DMD: variants seen among roughly 807,000 people sequenced by gnomAD.
The protein encoded by DMD is mutant dystrophin.
Under a neutral mutation model 330.1 loss-of-function variants are expected in DMD, and 63 were observed. The observed-to-expected ratio is 0.19, with a 90% CI of 0.16 to 0.24. The LOEUF is 0.24. DMD is among the 10% of genes least tolerant of loss of function. DMD has a pLI of 1.00. For missense variants in DMD, 3,344 were observed against 2,684.1 expected (o/e 1.25, Z -5.43); for synonymous variants, 1,223 against 959.8 (o/e 1.27, Z -5.07).
At chrX:33,326,928 C>T (rs189291582) in intron 1 of DMD, among the ~76,000 whole-genome samples, 9 of 111,365 alleles carry the variant, frequency 8.1e-5, no homozygotes. Flanking sequence ...AGTTACATGG[C>T]TCTCTATAAA....
intron 55 of DMD, among the ~76,000 whole-genome samples, chrX:31,509,438 T>C (rs16989687): frequency 1.4e-3 from 155 of 111,890 alleles, no homozygotes; most frequent in Non-Finnish European, 2.6e-3. Context: ...TACAGTACTT[T>C]CCTTTTGTGT....
chrX:32,221,872 T>G, intron 43 of DMD, among the ~76,000 whole-genome samples: 1 of 112,292 alleles, frequency 8.9e-6, no homozygotes, highest in East Asian at 2.8e-4. Context: ...TCAAAGTTGC[T>G]GCAAAAGACA....
At chrX:33,311,031 A>C (rs924855740) in intron 1 of DMD, among the ~76,000 whole-genome samples, 7 of 110,505 alleles carry the variant, frequency 6.3e-5, no homozygotes, top group Non-Finnish European at 9.5e-5. Flanking sequence ...ATCCCAGTTC[A>C]ATGTAGAACT....
intron 51 of DMD, among the ~76,000 whole-genome samples, chrX:31,743,166 T>C (rs933650342): frequency 2.7e-5 from 3 of 111,921 alleles, no homozygotes; most frequent in Admixed American, 9.5e-5. Context: ...ACACCATTCA[T>C]ACTGGCTATT....
chrX:31,644,879 C>T (rs759940142), intron 54 of DMD, among the ~76,000 whole-genome samples: 76 of 111,823 alleles, frequency 6.8e-4, no homozygotes, highest in Non-Finnish European at 1.3e-3. Context: ...TGGGGGTTTA[C>T]TCACACACAC....
At position 31,508,235 on chromosome X, in the gene DMD, C is replaced by T. The variant is rs368616208; in HGVS notation, c.8218-782G>A. ...TTACATGGTATGTCTTCCTGTGTAA[C>T]ATTTTCAGCTTGAACCGGGCACTAC... On this transcript the variant is annotated intron_variant, in intron 55 of 78. Transcript: ENST00000357033. 1.0e-4 allele frequency: 123 copies of T among 1,205,569 alleles called. 2 individuals are homozygous for T. The Middle Eastern group carries it at 3.0e-3, about 29-fold the overall frequency.
At chrX:31,622,877 T>TATATACACACAC (rs1361969125) in intron 55 of DMD, among the ~76,000 whole-genome samples, 1 of 70,327 alleles carries the variant, frequency 1.4e-5, no homozygotes, top group African/African-American at 5.3e-5. Flanking sequence ...TATATATATA[T>TATATACACACAC]ACACACACAC....
At chrX:32,421,575 G>A (rs1192806316) in intron 29 of DMD, among the ~76,000 whole-genome samples, 1 of 111,595 alleles carries the variant, frequency 9.0e-6, no homozygotes, top group Non-Finnish European at 1.9e-5. Flanking sequence ...CATTACAATC[G>A]ATTCCTTGTT....
chrX:32,912,773 A>G (rs2087395795), intron 2 of DMD, among the ~76,000 whole-genome samples: 2 of 111,436 alleles, frequency 1.8e-5, no homozygotes, highest in African/African-American at 6.5e-5. Flanking sequence ...AAATTTCACG[A>G]CCACCGTTAT....
chrX:32,808,098 T>C (rs564473478), intron 7 of DMD, among the ~76,000 whole-genome samples: 55 of 111,785 alleles, frequency 4.9e-4, no homozygotes, highest in Middle Eastern at 9.3e-3. Flanking sequence ...GAGTCAATAG[T>C]AAAGTAATCC....
intron 48 of DMD, among the ~76,000 whole-genome samples, chrX:31,837,347 A>T (rs1393094325): frequency 1.8e-5 from 2 of 111,949 alleles, no homozygotes; most frequent in South Asian, 3.7e-4. Context: ...TTAATGAGTC[A>T]AACAGGCCTT....
At chrX:31,398,610 G>A (rs180996228) in intron 60 of DMD, among the ~76,000 whole-genome samples, 2 of 112,136 alleles carry the variant, frequency 1.8e-5, no homozygotes, top group East Asian at 5.6e-4. Context: ...ATTCAGTTAA[G>A]AGGCTAGATC....
At chrX:32,660,293 T>C (rs1372886735) in intron 9 of DMD, among the ~76,000 whole-genome samples, 1 of 110,854 alleles carries the variant, frequency 9.0e-6, no homozygotes, top group Admixed American at 9.7e-5. Flanking sequence ...CAATCACTTC[T>C]GATTTGGTGA....
intron 1 of DMD, among the ~76,000 whole-genome samples, chrX:33,026,096 G>A: frequency 9.1e-6 from 1 of 109,418 alleles, no homozygotes; most frequent in East Asian, 2.9e-4. Context: ...AGCACTTTGG[G>A]AGGCCGAGGT....
intron 17 of DMD, among the ~76,000 whole-genome samples, chrX:32,541,438 A>C (rs1225021286): frequency 8.9e-6 from 1 of 112,237 alleles, no homozygotes; most frequent in Non-Finnish European, 1.9e-5. Flanking sequence ...GCAATGTATT[A>C]AATGCTTATT....
At chrX:31,964,935 G>A (rs1486972735) in intron 45 of DMD, among the ~76,000 whole-genome samples, 2 of 111,128 alleles carry the variant, frequency 1.8e-5, no homozygotes, top group Non-Finnish European at 3.8e-5. Context: ...TATCAGACTT[G>A]TCTAAAAGAA....
intron 44 of DMD, among the ~76,000 whole-genome samples, chrX:32,018,761 A>T (rs184476934): frequency 8.9e-6 from 1 of 111,913 alleles, no homozygotes; most frequent in East Asian, 2.8e-4. Context: ...AGCAGCTATT[A>T]TCTTGGACCT....
chrX:32,830,346 G>T (rs184028345), intron 4 of DMD, among the ~76,000 whole-genome samples: 2 of 110,515 alleles, frequency 1.8e-5, no homozygotes, highest in Non-Finnish European at 3.8e-5. Flanking sequence ...AGAATTATCA[G>T]TCTAATTGCT....
At chrX:33,031,749 CAGG>C (rs1306674578) in intron 1 of DMD, among the ~76,000 whole-genome samples, 2 of 110,645 alleles carry the variant, frequency 1.8e-5, no homozygotes, top group Non-Finnish European at 3.8e-5. Context: ...CCAGCCCCGA[CAGG>C]AGTTCAAGAC....
Sources: gnomAD v4.1 joint callset for allele counts (sites outside exome capture counted in the v4.1 genomes callset) on GRCh38, gnomAD v4.1.1 for gene constraint, MANE v1.5 for transcripts, NCBI Gene and HGNC (gene_info 2026-07-23, HGNC 2026-07-21) for gene names.